The following RIMOC1 variants were observed in gnomAD, a reference collection of about 807,000 sequenced individuals.
RIMOC1 encodes the protein RAB7A interacting MON1-CCZ1 complex subunit 1.
the RIMOC1 span, chr5:41,920,945 G>T: frequency 2.0e-5 from 3 of 152,506 alleles, no homozygotes; most frequent in Non-Finnish European, 4.4e-5. Flanking sequence ...CTCTGTTAAA[G>T]GACTTTTCAC....
chr5:41,916,964 G>A, the RIMOC1 span: 3 of 1,455,138 alleles, frequency 2.1e-6, no homozygotes, highest in African/African-American at 2.8e-5. Flanking sequence ...AATAACTACG[G>A]TTTCTTTTTA....
the RIMOC1 span, chr5:41,909,728 C>CT: frequency 0.074 from 88,699 of 1,199,844 alleles, no homozygotes; most frequent in Non-Finnish European, 0.082. Flanking sequence ...AGATATCTTT[C>CT]TTTTTTTTTT....
the RIMOC1 span, chr5:41,921,611 TAAAAAAATAAAA>T: frequency 6.6e-6 from 1 of 152,242 alleles, no homozygotes; most frequent in African/African-American, 2.4e-5. Flanking sequence ...TATACATTTT[TAAAAAAATAAAA>T]CCATACACCC....
chr5:41,916,698 C>A, the RIMOC1 span, among the ~76,000 whole-genome samples: 1 of 152,052 alleles, frequency 6.6e-6, no homozygotes, highest in African/African-American at 2.4e-5. Flanking sequence ...GGGAGAAGTT[C>A]TATTCCTTAA....
the RIMOC1 span, chr5:41,920,274 G>GC: frequency 6.6e-6 from 1 of 152,052 alleles, no homozygotes; most frequent in Non-Finnish European, 1.5e-5. Flanking sequence ...GTAGACCATG[G>GC]CAGTTAAAAT....
chr5:41,907,600 A>G, the RIMOC1 span: 1 of 547,476 alleles, frequency 1.8e-6, no homozygotes, highest in Non-Finnish European at 3.2e-6. Flanking sequence ...ATAAGATATT[A>G]TTACTATAAT....
chr5:41,917,194 C>A, the RIMOC1 span: 1 of 1,613,706 alleles, frequency 6.2e-7, no homozygotes, highest in Non-Finnish European at 8.5e-7. Flanking sequence ...GAGAAAAAAT[C>A]TTGAAAAAGT....
chr5:41,910,461 T>C, the RIMOC1 span, among the ~76,000 whole-genome samples: 1 of 151,934 alleles, frequency 6.6e-6, no homozygotes, highest in Non-Finnish European at 1.5e-5. Context: ...TACTGTCATC[T>C]CTATTTGGAT....
the RIMOC1 span, among the ~76,000 whole-genome samples, chr5:41,910,298 C>T: frequency 6.6e-6 from 1 of 151,950 alleles, no homozygotes; most frequent in East Asian, 1.9e-4. Flanking sequence ...ACCCTGCATG[C>T]TTCTTTTCCA....
chr5:41,914,866 C>T, the RIMOC1 span, among the ~76,000 whole-genome samples: 1 of 152,160 alleles, frequency 6.6e-6, no homozygotes, highest in East Asian at 1.9e-4. Context: ...CTGAATTACT[C>T]CTAAGTCCTA....
the RIMOC1 span, among the ~76,000 whole-genome samples, chr5:41,904,869 C>T: frequency 6.6e-6 from 1 of 152,180 alleles, no homozygotes; most frequent in Admixed American, 6.5e-5. Context: ...ATAACAGTTC[C>T]ACTTTTTCAT....
the RIMOC1 span, chr5:41,908,434 G>A: frequency 2.0e-5 from 3 of 152,066 alleles, no homozygotes; most frequent in Non-Finnish European, 4.4e-5. Context: ...TTGATAGAGT[G>A]TTTTCATGTG....
At chr5:41,916,272 C>A in the RIMOC1 span, 1 of 383,174 alleles carries the variant, frequency 2.6e-6, no homozygotes, top group Non-Finnish European at 3.6e-6. Flanking sequence ...AGACACAAAG[C>A]CAGTAATTTA....
At chr5:41,912,509 A>G in the RIMOC1 span, among the ~76,000 whole-genome samples, 1 of 152,218 alleles carries the variant, frequency 6.6e-6, no homozygotes, top group African/African-American at 2.4e-5. Flanking sequence ...TTTATAAACA[A>G]GAGAGGTTTA....
chr5:41,913,849 A>C, the RIMOC1 span, among the ~76,000 whole-genome samples: 5 of 152,192 alleles, frequency 3.3e-5, no homozygotes, highest in East Asian at 9.6e-4. Context: ...AAGCTCCCTC[A>C]GTGGGCATGA....
At chr5:41,916,314 G>A in the RIMOC1 span, 1 of 729,804 alleles carries the variant, frequency 1.4e-6, no homozygotes, top group Non-Finnish European at 1.7e-6. Context: ...AGGTTTATTT[G>A]TCTTTCTGCC....
At chr5:41,904,519 T>C in the RIMOC1 span, 1 of 1,513,336 alleles carries the variant, frequency 6.6e-7, no homozygotes, top group Non-Finnish European at 9.1e-7. Context: ...GCTAAGGTAC[T>C]GGCGCTCGAT....
At chr5:41,904,458 G>A in the RIMOC1 span, 33 of 1,613,766 alleles carry the variant, frequency 2.0e-5, 1 homozygote, top group Non-Finnish European at 2.5e-5. Context: ...CGAAGCTGCC[G>A]GTGAAGATGG....
the RIMOC1 span, chr5:41,904,399 G>A: frequency 6.2e-7 from 1 of 1,614,078 alleles, no homozygotes; most frequent in East Asian, 2.2e-5. Context: ...GTGGTGAGAC[G>A]AGTGGAAGAG....
Sources: allele counts gnomAD v4.1 joint callset (sites outside exome capture counted in the v4.1 genomes callset), GRCh38; gene constraint gnomAD v4.1.1; transcripts MANE v1.5; gene names NCBI Gene and HGNC (gene_info 2026-07-23, HGNC 2026-07-21).